SIMC1: variants seen among roughly 807,000 people sequenced by gnomAD.
SIMC1 encodes the protein SUMO-interacting motif-containing protein 1.
Under a neutral mutation model 82.3 loss-of-function variants are expected in SIMC1, and 55 were observed. The observed-to-expected ratio is 0.67, with a 90% confidence interval of 0.54 to 0.84. The LOEUF (loss-of-function observed/expected upper bound fraction) is 0.84. SIMC1 is among the 40% of genes least tolerant of loss of function. The pLI, the probability that SIMC1 is intolerant of heterozygous loss-of-function variation, is 0.00. For synonymous variants in SIMC1, 353 were observed against 426.3 expected, an observed-to-expected ratio of 0.83 and a Z score of 2.12; for missense variants, 915 against 1,107.2, an observed-to-expected ratio of 0.83 and a Z score of 2.46.
At chr5:176,280,165 G>C (rs560248577) in intron 1 of SIMC1, among the ~76,000 whole-genome samples, 1 of 152,132 alleles carries the variant, frequency 6.6e-6, no homozygotes, top group African/African-American at 2.4e-5. Context: ...CTCCTGTATT[G>C]GGTGTATATA....
In SIMC1 at chr5:176,295,036, G is replaced by T. The variant is rs373919516; in HGVS notation, c.1438G>T (p.Gly480Cys). 6.8e-6 allele frequency: 11 copies of T among 1,612,592 alleles called. No individual in the cohort carries two copies. The African/African-American group carries it at 1.5e-4, about 22-fold the overall frequency. The change falls in exon 3 of 10, where the codon GGT becomes TGT. Residue 480 changes from glycine to cysteine, a missense_variant. Around this residue, in one of 2 missense-constraint regions of SIMC1, gnomAD observed 902 missense variants for 1,040.3 expected, o/e 0.87. Coordinates refer to ENST00000429602, the MANE Select transcript of SIMC1 (RefSeq NM_001308195.2). ...IPDKDTRENK[G>C]QKLEPIPHRR... Reference sequence around the variant, plus strand: ...TTCTTTTTAATCTCTACAGAACAAGGGTCAAAAATTAGAACCCATCCCTCA... The same window carrying T: ...TTCTTTTTAATCTCTACAGAACAAGTGTCAAAAATTAGAACCCATCCCTCA...
intron 7 of SIMC1, among the ~76,000 whole-genome samples, chr5:176,330,996 C>CG (rs1220740223): frequency 3.9e-5 from 6 of 152,230 alleles, no homozygotes; most frequent in Non-Finnish European, 7.4e-5. Flanking sequence ...AACAACAAAA[C>CG]ACCATTTTTT....
intron 7 of SIMC1, among the ~76,000 whole-genome samples, chr5:176,333,201 G>A (rs957517864): frequency 2.6e-5 from 4 of 151,894 alleles, no homozygotes; most frequent in Non-Finnish European, 5.9e-5. Flanking sequence ...CTACTTGGGA[G>A]GGTGAGACAG....
intron 2 of SIMC1, among the ~76,000 whole-genome samples, chr5:176,294,194 A>T (rs1227953335): frequency 1.3e-5 from 2 of 152,206 alleles, no homozygotes; most frequent in Non-Finnish European, 2.9e-5. Context: ...CATAGATGAA[A>T]TCATGTTATA....
intron 1 of SIMC1, among the ~76,000 whole-genome samples, chr5:176,264,278 A>G (rs1327403012): frequency 3.9e-5 from 6 of 152,244 alleles, no homozygotes; most frequent in South Asian, 2.1e-4. Context: ...TAGGGACTCT[A>G]TGGGGGCTCC....
At chr5:176,286,897 A>T (rs190095858) in intron 1 of SIMC1, among the ~76,000 whole-genome samples, 74 of 152,362 alleles carry the variant, frequency 4.9e-4, no homozygotes, top group African/African-American at 1.7e-3. Flanking sequence ...ATCACTGGCT[A>T]TCGGAGAAAT....
chr5:176,287,719 A>G lies in SIMC1; in HGVS notation c.130-1935A>G, dbSNP rs1344222360. ...AAATTGAAAGAATAAAAAAAGAAAAAAAAAATCCTAAGGAATCGACAAAAA... is the reference window on the plus strand; with the variant it reads ...AAATTGAAAGAATAAAAAAAGAAAAGAAAAATCCTAAGGAATCGACAAAAA... On this transcript the variant is annotated intron_variant, in intron 1 of 9. Coordinates refer to ENST00000429602, the MANE Select transcript of SIMC1 (RefSeq NM_001308195.2). Among the ~76,000 whole-genome samples the G allele has an allele frequency of 2.0e-5, 3 of 151,880 alleles. No individual in the cohort carries two copies. In the South Asian group the frequency reaches 6.2e-4, roughly 31 times the overall value.
intron 1 of SIMC1, among the ~76,000 whole-genome samples, chr5:176,264,694 G>T (rs1220946990): frequency 6.6e-6 from 1 of 151,338 alleles, no homozygotes; most frequent in Non-Finnish European, 1.5e-5. Context: ...ACAGGACTGG[G>T]TTGCAAATTT....
intron 9 of SIMC1, among the ~76,000 whole-genome samples, chr5:176,341,934 G>A (rs7723353): frequency 0.12 from 17,791 of 152,110 alleles, 1,102 homozygotes; most frequent in Admixed American, 0.15. Context: ...TATCCCTACC[G>A]AAGCATAAAA....
At chr5:176,288,100 G>C (rs550781265) in intron 1 of SIMC1, among the ~76,000 whole-genome samples, 1 of 152,140 alleles carries the variant, frequency 6.6e-6, no homozygotes, top group Non-Finnish European at 1.5e-5. Context: ...GATCCACCGC[G>C]CCTAGCCGGT....
chr5:176,256,358 A>G (rs1761852258), intron 1 of SIMC1, among the ~76,000 whole-genome samples: 1 of 152,118 alleles, frequency 6.6e-6, no homozygotes, highest in East Asian at 1.9e-4. Context: ...ACATACTTAT[A>G]AGTAAGTTTC....
At chr5:176,244,899 T>A (rs1761387116) in intron 1 of SIMC1, among the ~76,000 whole-genome samples, 1 of 151,976 alleles carries the variant, frequency 6.6e-6, no homozygotes, top group African/African-American at 2.4e-5. Flanking sequence ...TTTTATATTT[T>A]TAGTAGAGAC....
intron 1 of SIMC1, among the ~76,000 whole-genome samples, chr5:176,248,567 C>T (rs1213897528): frequency 6.6e-6 from 1 of 152,126 alleles, no homozygotes; most frequent in Admixed American, 6.6e-5. Flanking sequence ...GATAGTTTGA[C>T]TTCCTCTCTT....
chr5:176,319,943 C>T (rs1765086096), intron 5 of SIMC1, among the ~76,000 whole-genome samples: 2 of 152,104 alleles, frequency 1.3e-5, no homozygotes, highest in South Asian at 4.1e-4. Context: ...AATGGAAGCT[C>T]TGAAGACAAT....
chr5:176,253,235 C>G (rs1413271353), intron 1 of SIMC1, among the ~76,000 whole-genome samples: 2 of 152,268 alleles, frequency 1.3e-5, no homozygotes, highest in East Asian at 1.9e-4. Flanking sequence ...TCAGAGAGAT[C>G]CACTGTTAGT....
chr5:176,283,885 A>T (rs1443084220), intron 1 of SIMC1, among the ~76,000 whole-genome samples: 1 of 152,254 alleles, frequency 6.6e-6, no homozygotes, highest in African/African-American at 2.4e-5. Context: ...CTAGTCTCTG[A>T]TAAAACAGAC....
chr5:176,288,199 G>C (rs142491407), intron 1 of SIMC1, among the ~76,000 whole-genome samples: 17,787 of 152,200 alleles, frequency 0.12, 1,095 homozygotes, highest in Admixed American at 0.15. Flanking sequence ...CCTGAGGTCA[G>C]GAGTTCGAGA....
At chr5:176,272,410 A>G (rs1762484539) in intron 1 of SIMC1, among the ~76,000 whole-genome samples, 1 of 152,096 alleles carries the variant, frequency 6.6e-6, no homozygotes, top group Non-Finnish European at 1.5e-5. Flanking sequence ...CAGATTGGAA[A>G]GGAAGTAAGA....
At chr5:176,331,964 C>CT (rs1469507308) in intron 7 of SIMC1, among the ~76,000 whole-genome samples, 2 of 150,230 alleles carry the variant, frequency 1.3e-5, no homozygotes, top group Non-Finnish European at 3.0e-5. Context: ...GCAAGACTGT[C>CT]TAAAAAAAAA....
Sources: allele counts gnomAD v4.1 joint callset (sites outside exome capture counted in the v4.1 genomes callset), GRCh38; gene constraint gnomAD v4.1.1; regional missense constraint gnomAD v4.1.1; transcripts MANE v1.5; gene names NCBI Gene and HGNC (gene_info 2026-07-23, HGNC 2026-07-21).